The following LARP1B variants were observed in gnomAD, a reference collection of about 807,000 sequenced individuals.
LARP1B encodes la-related protein 1B.
LARP1B carries 76 observed loss-of-function variants against 114.2 expected under a neutral mutation model. The observed-to-expected ratio is 0.67, with a 90% CI of 0.55 to 0.81. The LOEUF is 0.81. Among genes scored for constraint, LARP1B ranks in the 30% least tolerant of loss-of-function variants. The pLI is 0.00. For missense variants in LARP1B, 1,014 were observed against 1,075.8 expected, an observed-to-expected ratio of 0.94 and a Z score of 0.80; for synonymous variants, 345 against 348.0, an observed-to-expected ratio of 0.99 and a Z score of 0.10.
At chr4:128,136,203 G>T (rs1725180322) in intron 11 of LARP1B, among the ~76,000 whole-genome samples, 1 of 151,930 alleles carries the variant, frequency 6.6e-6, no homozygotes, top group Admixed American at 6.6e-5. Flanking sequence ...TGAGGTAGGA[G>T]AATTGCTTGA....
intron 8 of LARP1B, among the ~76,000 whole-genome samples, chr4:128,098,747 G>GTATATATATATATATATATA (rs1554010737): frequency 5.1e-4 from 8 of 15,580 alleles, no homozygotes; most frequent in Non-Finnish European, 7.8e-4. Flanking sequence ...ATATGTATGT[G>GTATATATATATATATATATA]TATATATATA....
chr4:128,073,598 T>TTG (rs1561057443), intron 1 of LARP1B, among the ~76,000 whole-genome samples: 5 of 92,822 alleles, frequency 5.4e-5, no homozygotes, highest in African/African-American at 1.7e-4. Context: ...TTTTTTTTTT[T>TTG]TTTTTTTTTT....
intron 8 of LARP1B, among the ~76,000 whole-genome samples, chr4:128,105,835 G>A (rs567007275): frequency 3.3e-5 from 5 of 152,232 alleles, no homozygotes; most frequent in African/African-American, 1.2e-4. Flanking sequence ...AGGTTGCAGT[G>A]AGCCAAGTTG....
intron 9 of LARP1B, among the ~76,000 whole-genome samples, chr4:128,113,739 G>A (rs189318175): frequency 5.5e-4 from 80 of 144,962 alleles, no homozygotes; most frequent in Non-Finnish European, 6.0e-5. Flanking sequence ...TGCTTTTAAT[G>A]TTATTGCCAG....
chr4:128,103,666 G>A lies in LARP1B; in HGVS notation c.814-3473G>A, dbSNP rs928718346. ...CAACCTCTGCCTCCTAGGTTCAAGC[G>A]ATTCTTCCGCCTCAGCCTCCTGAGT... On this transcript the variant is annotated intron_variant, in intron 8 of 19. Transcript: ENST00000326639. Among the ~76,000 whole-genome samples, 6 of 150,694 alleles carry A rather than the reference G, an allele frequency of 4.0e-5. No individual in the cohort carries two copies. The Admixed American group carries it at 4.0e-4, about 10-fold the overall frequency.
intron 1 of LARP1B, 181 bp downstream of exon 1, chr4:128,061,582 C>G (rs1760123609): frequency 1.4e-6 from 1 of 735,696 alleles, no homozygotes; most frequent in Non-Finnish European, 1.7e-6. Context: ...CCGCCGGGCT[C>G]TCGGGTTGTC....
intron 4 of LARP1B, among the ~76,000 whole-genome samples, chr4:128,081,266 A>G (rs1185007833): frequency 6.6e-6 from 1 of 150,542 alleles, no homozygotes; most frequent in East Asian, 2.0e-4. Context: ...TTTAGTAGAG[A>G]TGGGGTTTCA....
intron 15 of LARP1B, among the ~76,000 whole-genome samples, chr4:128,185,410 C>CT (rs1485794572): frequency 6.6e-6 from 1 of 152,012 alleles, no homozygotes; most frequent in African/African-American, 2.4e-5. Flanking sequence ...TTTTGATTTT[C>CT]TTTATCTTCT....
At chr4:128,067,705 A>G (rs987764384) in intron 1 of LARP1B, among the ~76,000 whole-genome samples, 5 of 122,360 alleles carry the variant, frequency 4.1e-5, no homozygotes, top group Non-Finnish European at 8.4e-5. Context: ...TATTTTGGAT[A>G]CCTCCTTTTT....
chr4:128,195,270 C>A (rs186451703), intron 15 of LARP1B, among the ~76,000 whole-genome samples: 143 of 152,260 alleles, frequency 9.4e-4, no homozygotes, highest in Non-Finnish European at 1.6e-3. Flanking sequence ...ATCTGCATTT[C>A]TTTTACTAAT....
chr4:128,209,975 A>G lies in LARP1B; in HGVS notation c.2667A>G (p.Thr889=), dbSNP rs1758683493. ...STKPPNAAKP[T]STSELQVPIN... is the part of the protein sequence containing the mutation. Reference sequence around the variant, plus strand: ...AGCCACCAAATGCTGCTAAACCTACATCTACCAGTGAGCTTCAGGTACCAA... The same window carrying G: ...AGCCACCAAATGCTGCTAAACCTACGTCTACCAGTGAGCTTCAGGTACCAA... The change falls in exon 20 of 20, where the codon ACA becomes ACG. Residue 889 remains threonine (T), a synonymous_variant. Coordinates refer to ENST00000326639, the MANE Select transcript of LARP1B (RefSeq NM_018078.4). 1 of 1,613,930 alleles carries G rather than the reference A, an allele frequency of 6.2e-7. No homozygotes were observed.
intron 1 of LARP1B, among the ~76,000 whole-genome samples, chr4:128,068,717 T>C (rs1202954675): frequency 6.6e-6 from 1 of 152,076 alleles, no homozygotes; most frequent in Non-Finnish European, 1.5e-5. Flanking sequence ...GCAGATTCCT[T>C]TTTTTCCCTC....
chr4:128,102,098 A>G (rs1320426100), intron 8 of LARP1B, among the ~76,000 whole-genome samples: 1 of 152,258 alleles, frequency 6.6e-6, no homozygotes, highest in Non-Finnish European at 1.5e-5. Context: ...ACCACTATTG[A>G]AAAGCAGAAA....
rs572073121 is a variant in LARP1B at position 128,118,421 on chromosome 4, A to G, written c.1162-3405A>G. On this transcript the variant is annotated intron_variant, in intron 10 of 19. Coordinates refer to ENST00000326639, the MANE Select transcript of LARP1B (RefSeq NM_018078.4). The stretch of plus-strand genomic sequence containing the variant: ...TAATTTTTTTTTTTGTATTTTTAGT[A>G]GAGACGGGGTTTCATCGTGTTAGCC... Among the ~76,000 whole-genome samples the G allele has an allele frequency of 2.0e-5, 3 of 150,690 alleles. No individual in the cohort carries two copies. The South Asian group carries it at 6.3e-4, about 32-fold the overall frequency.
At chr4:128,112,587 T>C (rs1342298961) in intron 9 of LARP1B, among the ~76,000 whole-genome samples, 1 of 150,354 alleles carries the variant, frequency 6.7e-6, no homozygotes, top group Non-Finnish European at 1.5e-5. Flanking sequence ...GATTCTTCTG[T>C]CTCAGCCTCC....
intron 11 of LARP1B, among the ~76,000 whole-genome samples, chr4:128,151,672 G>T (rs1435925334): frequency 6.6e-6 from 1 of 151,774 alleles, no homozygotes; most frequent in African/African-American, 2.4e-5. Context: ...GCGTGATCTC[G>T]GCTCACTGCA....
rs1176225027 is a variant in LARP1B at position 128,077,884 on chromosome 4, A to G, written c.139A>G (p.Asn47Asp). The change falls in exon 4 of 20, where the codon AAC becomes GAC. Residue 47 changes from asparagine to aspartate, a missense_variant. Coordinates refer to ENST00000326639, the MANE Select transcript of LARP1B (RefSeq NM_018078.4). ...EKRSNSDSKE[N>D]RETKLNGPGE... ...GAGAAGTAACAGTGACAGCAAAGAA[A>G]ACCGGGAAACAAAATTAAATGGTCC... The G allele has an allele frequency of 4.3e-6, 7 of 1,613,594 alleles. No homozygotes were observed. The African/African-American group carries it at 6.7e-5, about 15-fold the overall frequency.
intron 11 of LARP1B, among the ~76,000 whole-genome samples, chr4:128,149,511 C>T (rs1266788487): frequency 6.6e-6 from 1 of 152,068 alleles, no homozygotes; most frequent in African/African-American, 2.4e-5. Context: ...TCATTAATAA[C>T]CTACGTGAGA....
chr4:128,121,251 A>G lies in LARP1B; in HGVS notation c.1162-575A>G, dbSNP rs543625816. Among the ~76,000 whole-genome samples the G allele has an allele frequency of 2.0e-5, 3 of 152,370 alleles. 1 individual carries two copies. The East Asian group carries it at 5.8e-4, about 29-fold the overall frequency. ...ATCATTGTGAGGTAAAAAGGTTCGG[A>G]ATAGGGAAGACCATTGACTCTGAAA... On this transcript the variant is annotated intron_variant, in intron 10 of 19. Coordinates refer to ENST00000326639, the MANE Select transcript of LARP1B (RefSeq NM_018078.4).
Sources: allele counts gnomAD v4.1 joint callset (sites outside exome capture counted in the v4.1 genomes callset), GRCh38; gene constraint gnomAD v4.1.1; transcripts MANE v1.5; gene names NCBI Gene and HGNC (gene_info 2026-07-23, HGNC 2026-07-21).